SLC16A14: variants seen among roughly 807,000 people sequenced by gnomAD.
SLC16A14 encodes the protein solute carrier family 16 member 14.
A neutral mutation model predicts 35.8 loss-of-function variants in SLC16A14; 14 were observed. That is an observed-to-expected ratio of 0.39 (90% CI 0.26 to 0.61). SLC16A14 has a LOEUF of 0.61. Ranked by LOEUF, SLC16A14 falls within the 20% of genes least tolerant of loss-of-function variation. The pLI, the probability that SLC16A14 is intolerant of heterozygous loss-of-function variation, is 0.51. For synonymous variants in SLC16A14, 248 were observed against 258.9 expected, an observed-to-expected ratio of 0.96 and a Z score of 0.40; for missense variants, 533 against 655.0, an observed-to-expected ratio of 0.81 and a Z score of 2.03.
chr2:230,037,284 A>G lies in SLC16A14; in HGVS notation c.*96T>C. 3 of 1,223,730 alleles carry G rather than the reference A, an allele frequency of 2.5e-6. No homozygotes were observed. Among genetic ancestry groups the G allele is most frequent in the Non-Finnish European group, 3.4e-6 (3 of 894,838 alleles). The allele number at this position is 1,223,730 out of a possible 1,614,324, so 75.8% of individuals were successfully genotyped here. A position where few individuals can be genotyped will look rare whatever the true frequency, so the allele number is the denominator to read the frequency against. ...AAATGACAGTGCCAGTTACCGTACAAAATGCTTTCCCACGTCCTGTCATAG... is the reference window on the plus strand; with the variant it reads ...AAATGACAGTGCCAGTTACCGTACAGAATGCTTTCCCACGTCCTGTCATAG... On this transcript the variant is annotated 3_prime_UTR_variant, in exon 5 of 5. Coordinates refer to ENST00000295190, the MANE Select transcript of SLC16A14 (RefSeq NM_152527.5).
At chr2:230,065,583 C>T (rs1175300420) in intron 1 of SLC16A14, among the ~76,000 whole-genome samples, 1 of 152,010 alleles carries the variant, frequency 6.6e-6, no homozygotes, top group Non-Finnish European at 1.5e-5. Flanking sequence ...CCTCAGGAGG[C>T]CCCTATAGAT....
rs111580291 is a variant in SLC16A14 at position 230,037,437 on chromosome 2, C to A, written c.1476G>T (p.Pro492=). 5.0e-6 allele frequency: 8 copies of A among 1,612,188 alleles called. No homozygotes were observed. The South Asian group carries it at 5.5e-5, about 11-fold the overall frequency. The change falls in exon 5 of 5, where the codon CCG becomes CCT. Residue 492 remains proline (P), a synonymous_variant. Transcript: ENST00000295190. ...MIGILFLLIQ[P]CIRIIEQSRR... ...TGGATTGTTCTATAATTCGAATGCA[C>A]GGCTGAATAAGTAAAAAGAGTATTC...
chr2:230,066,638 A>T (rs1016411053), intron 1 of SLC16A14: 47 of 378,102 alleles, frequency 1.2e-4, no homozygotes, highest in Middle Eastern at 9.1e-4. Context: ...CAAGCAAGTC[A>T]TTTTTTTTTT....
intron 2 of SLC16A14, among the ~76,000 whole-genome samples, chr2:230,055,362 T>A (rs1415557318): frequency 6.6e-6 from 1 of 152,234 alleles, no homozygotes; most frequent in Non-Finnish European, 1.5e-5. Flanking sequence ...AAGCTTGGGA[T>A]AATGGACAAT....
intron 2 of SLC16A14, among the ~76,000 whole-genome samples, chr2:230,057,711 C>T (rs995396897): frequency 6.6e-6 from 1 of 152,058 alleles, no homozygotes; most frequent in African/African-American, 2.4e-5. Context: ...AATGAAAAAT[C>T]AATAATATTT....
intron 2 of SLC16A14, among the ~76,000 whole-genome samples, chr2:230,053,304 C>G (rs1411113722): frequency 1.3e-5 from 2 of 152,102 alleles, no homozygotes; most frequent in Non-Finnish European, 2.9e-5. Flanking sequence ...ACCACCATTT[C>G]CAGAAAATAA....
At chr2:230,037,555 T>G (rs371538367) in intron 4 of SLC16A14, 24 bp from the exon 5 acceptor site, 12 of 1,574,232 alleles carry the variant, frequency 7.6e-6, no homozygotes, top group Non-Finnish European at 1.0e-5. Context: ...AAGAATATAT[T>G]CAGTGTCATG....
rs1259621135 is a variant in SLC16A14 at position 230,039,258 on chromosome 2, A to G, written c.1382-1727T>C. Among the ~76,000 whole-genome samples the G allele has an allele frequency of 7.2e-5, 11 of 152,110 alleles. 1 individual carries two copies. The highest frequency in any genetic ancestry group is 2.4e-4 in the African/African-American group (10 of 41,416). ...AAAAACAACTCGTTAAAAGGTATGA[A>G]TTCTGGATCTACTTTAAAAGTAAAC... On this transcript the variant is annotated intron_variant, in intron 4 of 4. Transcript: ENST00000295190.
intron 2 of SLC16A14, among the ~76,000 whole-genome samples, chr2:230,054,037 T>G (rs951963169): frequency 2.3e-4 from 19 of 81,764 alleles, no homozygotes; most frequent in African/African-American, 7.0e-4. Context: ...GCTTAGGAGC[T>G]TAAAAAAAAA....
At position 230,046,012 on chromosome 2, in the gene SLC16A14, C is replaced by T. The variant is rs368933066; in HGVS notation, c.1114G>A (p.Val372Ile). ...VHIFGKVILG[V>I]IADLPCISVW... is the part of the protein sequence containing the mutation. ...CTAATGCAAGGCAAGTCGGCTATGA[C>T]GCCCAGGATCACTTTTCCAAAGATG... Residue 372 changes from valine (V) to isoleucine (I), a missense_variant, in exon 4 of 5, where the codon GTC becomes ATC. Physicochemically the swap from Val to Ile is conservative, Grantham distance 29. Transcript: ENST00000295190. The surrounding 1 kb of genome is among the most constrained non-coding windows in gnomAD (Gnocchi z 5.0). The T allele has an allele frequency of 3.7e-6, 6 of 1,613,960 alleles. No homozygotes were observed. The highest frequency in any genetic ancestry group is 5.1e-6 in the Non-Finnish European group (6 of 1,179,794).
chr2:230,056,218 T>C (rs1442673195), intron 2 of SLC16A14, among the ~76,000 whole-genome samples: 1 of 152,052 alleles, frequency 6.6e-6, no homozygotes, highest in Admixed American at 6.6e-5. Context: ...CCTTGTTGTC[T>C]ATCATTAGGA....
intron 4 of SLC16A14, among the ~76,000 whole-genome samples, chr2:230,040,283 A>G (rs1211977906): frequency 3.9e-5 from 6 of 152,034 alleles, no homozygotes; most frequent in African/African-American, 7.2e-5. Context: ...CAGTGGCACA[A>G]TCTCAGCTCA....
At position 230,037,436 on chromosome 2, in the gene SLC16A14, A is replaced by G; in HGVS notation, c.1477T>C (p.Cys493Arg). 1 of 1,613,064 alleles carries G rather than the reference A, an allele frequency of 6.2e-7. No individual in the cohort carries two copies. The highest frequency in any genetic ancestry group is 8.5e-7 in the Non-Finnish European group (1 of 1,179,758). The change falls in exon 5 of 5, where the codon TGC becomes CGC. Residue 493 changes from cysteine (C) to arginine (R), a missense_variant. Transcript: ENST00000295190. ...CTGGATTGTTCTATAATTCGAATGC[A>G]CGGCTGAATAAGTAAAAAGAGTATT... ...IGILFLLIQP[C>R]IRIIEQSRRK... is the part of the protein sequence containing the mutation.
At position 230,059,239 on chromosome 2, in the gene SLC16A14, G is replaced by A. The variant is rs750218938; in HGVS notation, c.114C>T (p.Leu38=). ...IDGGWAWMMV[L]SSFFVHILIM... ...TGAGGATGTGCACAAAGAAAGAGGA[G>A]AGCACCATCATCCAAGCCCATCCGC... Residue 38 remains leucine (L), a synonymous_variant, in exon 2 of 5, where the codon CTC becomes CTT. Coordinates refer to ENST00000295190, the MANE Select transcript of SLC16A14 (RefSeq NM_152527.5). 1 of 1,614,196 alleles carries A rather than the reference G, an allele frequency of 6.2e-7. No individual in the cohort carries two copies. The highest frequency in any genetic ancestry group is 8.5e-7 in the Non-Finnish European group (1 of 1,180,032).
chr2:230,044,530 T>C (rs1325919384), intron 4 of SLC16A14, among the ~76,000 whole-genome samples: 1 of 148,524 alleles, frequency 6.7e-6, no homozygotes, highest in African/African-American at 2.5e-5. Context: ...CAGAGAGAAG[T>C]GGGAAGACGT....
chr2:230,044,271 G>A (rs1214732981), intron 4 of SLC16A14, among the ~76,000 whole-genome samples: 1 of 150,636 alleles, frequency 6.6e-6, no homozygotes, highest in Non-Finnish European at 1.5e-5. Context: ...TCAGGAGTTC[G>A]AGACCAGCCT....
chr2:230,047,460 G>T (rs1296769408), intron 3 of SLC16A14, among the ~76,000 whole-genome samples: 2 of 151,962 alleles, frequency 1.3e-5, no homozygotes, highest in South Asian at 2.1e-4. Flanking sequence ...CTATCACCGT[G>T]TGTGGCTAAT....
chr2:230,063,215 G>T lies in SLC16A14; in HGVS notation c.-14-3849C>A, dbSNP rs202059445. Among the ~76,000 whole-genome samples the T allele has an allele frequency of 6.6e-5, 10 of 151,044 alleles. No individual in the cohort carries two copies. In the East Asian group the frequency reaches 2.0e-3, roughly 29 times the overall value. Reference sequence around the variant, plus strand: ...GGTAGGAGAATTGTTTGAAGCTGTGGGGGTGAAGGTTGCAGTAGTGAGGTG... The same window carrying T: ...GGTAGGAGAATTGTTTGAAGCTGTGTGGGTGAAGGTTGCAGTAGTGAGGTG... On this transcript the variant is annotated intron_variant, in intron 1 of 4. Coordinates refer to ENST00000295190, the MANE Select transcript of SLC16A14 (RefSeq NM_152527.5).
At position 230,046,846 on chromosome 2, in the gene SLC16A14, A is replaced by C; in HGVS notation, c.404-124T>G. 1 of 1,138,532 alleles carries C rather than the reference A, an allele frequency of 8.8e-7. No homozygotes were observed. Among genetic ancestry groups the C allele is most frequent in the Non-Finnish European group, 1.2e-6 (1 of 830,892 alleles). 70.5% of individuals were successfully genotyped at this position (1,138,532 alleles called of 1,614,324 possible). Reference sequence around the variant, plus strand: ...CTATTTATGCTTTTTATTTCTAACAAAGCAATAACACTGATTATTTAAAAA... The same window carrying C: ...CTATTTATGCTTTTTATTTCTAACACAGCAATAACACTGATTATTTAAAAA... On this transcript the variant is annotated intron_variant, in intron 3 of 4. Transcript: ENST00000295190. This position sits in a 1 kb window ranked among gnomAD's most constrained non-coding sequence, Gnocchi z 5.0.
Sources: allele counts gnomAD v4.1 joint callset (sites outside exome capture counted in the v4.1 genomes callset), GRCh38; gene constraint gnomAD v4.1.1; non-coding constraint Gnocchi (gnomAD v3.1); transcripts MANE v1.5; gene names NCBI Gene and HGNC (gene_info 2026-07-23, HGNC 2026-07-21).